ACYP2: variants seen among roughly 807,000 people sequenced by gnomAD.
The protein encoded by ACYP2 is acylphosphatase 2.
ACYP2 carries 12 observed loss-of-function variants against 11.2 expected under a neutral mutation model. The observed-to-expected ratio is 1.08, with a 90% CI of 0.69 to 1.74. The LOEUF is 1.74. Among genes scored for constraint, ACYP2 ranks in the 40% most tolerant of loss-of-function variants. The probability of loss-of-function intolerance (pLI) is 0.00; values close to 1 mark genes in which losing one functional copy is unlikely to be tolerated. For missense variants in ACYP2, 134 were observed against 101.9 expected (o/e 1.31, Z -1.35); for synonymous variants, 43 against 32.2 (o/e 1.33, Z -1.13).
At chr2:54,224,202 A>C (rs1386875181) in intron 6 of ACYP2, among the ~76,000 whole-genome samples, 1 of 152,244 alleles carries the variant, frequency 6.6e-6, no homozygotes, top group African/African-American at 2.4e-5. Flanking sequence ...CCCAGGCCTC[A>C]TTCAGCCACA....
chr2:54,172,602 T>TTTTA (rs1683264853), intron 6 of ACYP2, among the ~76,000 whole-genome samples: 1 of 152,176 alleles, frequency 6.6e-6, no homozygotes. Context: ...CTCTTTTTTC[T>TTTTA]TTTATTTATT....
chr2:54,274,364 C>A (rs1198610042), intron 6 of ACYP2, among the ~76,000 whole-genome samples: 1 of 152,040 alleles, frequency 6.6e-6, no homozygotes, highest in Admixed American at 6.6e-5. Flanking sequence ...GTAGGGGACA[C>A]AGCCAAACCA....
chr2:54,097,748 T>A (rs1230217090), intron 4 of ACYP2, among the ~76,000 whole-genome samples: 1 of 152,056 alleles, frequency 6.6e-6, no homozygotes, highest in Non-Finnish European at 1.5e-5. Context: ...TCATGTTATT[T>A]TAGCTAGAAA....
intron 6 of ACYP2, among the ~76,000 whole-genome samples, chr2:54,201,595 TC>T (rs200627571): frequency 7.7e-4 from 27 of 35,098 alleles, no homozygotes; most frequent in Middle Eastern, 0.015. Flanking sequence ...TCTTTCTTTC[TC>T]TTTCTTTCTT....
rs139647444 is a variant in ACYP2, at chr2:54,299,189, G to A, written c.405-5499G>A. 6.9e-3 allele frequency among the ~76,000 whole-genome samples: 1,053 copies of A among 152,304 alleles called. 9 individuals are homozygous for A. Among genetic ancestry groups the A allele is most frequent in the African/African-American group, 0.023 (974 of 41,568 alleles). ...TAAAGCACACATAACCAGACTCATA[G>A]CTTCTAGGCAGGAAATAGGGTGTAT... On this transcript the variant is annotated intron_variant, in intron 6 of 6. Transcript: ENST00000607452.
intron 6 of ACYP2, among the ~76,000 whole-genome samples, chr2:54,227,859 C>T (rs1367701854): frequency 6.6e-6 from 1 of 152,210 alleles, no homozygotes; most frequent in African/African-American, 2.4e-5. Context: ...ATCAATGCTA[C>T]ATCATTTGAA....
chr2:54,222,625 A>T (rs1685847250), intron 6 of ACYP2, among the ~76,000 whole-genome samples: 1 of 152,098 alleles, frequency 6.6e-6, no homozygotes, highest in Non-Finnish European at 1.5e-5. Flanking sequence ...CATTTGCTAC[A>T]TAACCCAGAG....
intron 6 of ACYP2, chr2:54,255,002 C>T: frequency 1.2e-6 from 2 of 1,614,012 alleles, no homozygotes; most frequent in Non-Finnish European, 1.7e-6. Flanking sequence ...GCGTCTTCAC[C>T]CAACAGGTAG....
intron 4 of ACYP2, among the ~76,000 whole-genome samples, chr2:54,114,195 A>G (rs1679610666): frequency 1.3e-5 from 2 of 152,146 alleles, no homozygotes; most frequent in African/African-American, 4.8e-5. Flanking sequence ...AAATAGAGAA[A>G]TGCAAATTCT....
chr2:54,292,780 TTAAA>T (rs1689364893), intron 6 of ACYP2, among the ~76,000 whole-genome samples: 1 of 152,158 alleles, frequency 6.6e-6, no homozygotes, highest in Admixed American at 6.5e-5. Context: ...AATTAATGTA[TTAAA>T]TAAAATATTT....
intron 6 of ACYP2, among the ~76,000 whole-genome samples, chr2:54,139,114 A>G (rs1681448672): frequency 1.3e-5 from 2 of 152,214 alleles, no homozygotes; most frequent in Admixed American, 1.3e-4. Flanking sequence ...TGGACTTCCC[A>G]CTTGGGCTGG....
Position 54,133,183 on chromosome 2 carries a change from A to C in ACYP2, c.278-2270A>C, listed in dbSNP as rs187323715. ...TCCTGGCCCTTGGCAACTGACAATCAGTTTTCTGTCCTTATAGTTTGCCTT... is the reference window on the plus strand; with the variant it reads ...TCCTGGCCCTTGGCAACTGACAATCCGTTTTCTGTCCTTATAGTTTGCCTT... On this transcript the variant is annotated intron_variant, in intron 4 of 6. Transcript: ENST00000607452. 2.6e-4 allele frequency among the ~76,000 whole-genome samples: 40 copies of C among 152,282 alleles called. 1 individual carries two copies. The highest frequency in any genetic ancestry group is 3.4e-3 in the Middle Eastern group (1 of 294).
At chr2:53,993,076 C>T (rs1672385551) in intron 2 of ACYP2, among the ~76,000 whole-genome samples, 1 of 151,934 alleles carries the variant, frequency 6.6e-6, no homozygotes, top group Non-Finnish European at 1.5e-5. Context: ...TGTGGTGGCA[C>T]ATGCTTATAG....
intron 6 of ACYP2, among the ~76,000 whole-genome samples, chr2:54,281,158 C>G (rs1434506265): frequency 6.6e-6 from 1 of 152,204 alleles, no homozygotes; most frequent in Non-Finnish European, 1.5e-5. Context: ...ATTATCAACT[C>G]CAGTTGATTA....
At chr2:54,025,214 A>C (rs191653143) in intron 2 of ACYP2, among the ~76,000 whole-genome samples, 3 of 152,188 alleles carry the variant, frequency 2.0e-5, no homozygotes, top group Non-Finnish European at 4.4e-5. Context: ...CATTCTTCAC[A>C]TAACTAGAAA....
At chr2:54,243,233 G>C (rs979428437) in intron 6 of ACYP2, among the ~76,000 whole-genome samples, 1 of 152,080 alleles carries the variant, frequency 6.6e-6, no homozygotes, top group African/African-American at 2.4e-5. Context: ...CAATTTCTTT[G>C]TTGTGCAAAT....
intron 6 of ACYP2, among the ~76,000 whole-genome samples, chr2:54,259,224 T>G (rs1687680041): frequency 6.6e-6 from 1 of 152,230 alleles, no homozygotes; most frequent in South Asian, 2.1e-4. Flanking sequence ...TCTCTCTTTT[T>G]TAACATATTG....
At chr2:54,164,747 G>T (rs957452441) in intron 6 of ACYP2, among the ~76,000 whole-genome samples, 9 of 152,120 alleles carry the variant, frequency 5.9e-5, no homozygotes, top group Admixed American at 6.6e-5. Context: ...GAACGTGCAG[G>T]TTTCTTAGAT....
intron 4 of ACYP2, among the ~76,000 whole-genome samples, chr2:54,061,620 T>C (rs1676473892): frequency 6.6e-6 from 1 of 152,244 alleles, no homozygotes; most frequent in Non-Finnish European, 1.5e-5. Context: ...GCCTATTGGT[T>C]AGTTCATGAA....
Sources: gnomAD v4.1 joint callset for allele counts (sites outside exome capture counted in the v4.1 genomes callset) on GRCh38, gnomAD v4.1.1 for gene constraint, MANE v1.5 for transcripts, NCBI Gene and HGNC (gene_info 2026-07-23, HGNC 2026-07-21) for gene names.